PTPRD: variants seen among roughly 807,000 people sequenced by gnomAD.
PTPRD encodes receptor-type tyrosine-protein phosphatase delta.
A neutral mutation model predicts 214.5 loss-of-function variants in PTPRD; 34 were observed. That is an observed-to-expected ratio of 0.16 (90% CI 0.12 to 0.21). The LOEUF is 0.21. PTPRD is among the 10% of genes least tolerant of loss of function. The probability of loss-of-function intolerance (pLI) is 1.00; values close to 1 mark genes in which losing one functional copy is unlikely to be tolerated. For missense variants in PTPRD, 2,545 were observed against 2,398.7 expected (o/e 1.06, Z -1.27); for synonymous variants, 1,128 against 845.7 (o/e 1.33, Z -5.79).
At chr9:9,521,011 G>T (rs1425425095) in intron 8 of PTPRD, among the ~76,000 whole-genome samples, 4 of 152,162 alleles carry the variant, frequency 2.6e-5, no homozygotes, top group Non-Finnish European at 5.9e-5. Context: ...TGAAATCACA[G>T]ATGATTTTTA....
chr9:8,444,841 C>T (rs775967993), intron 34 of PTPRD, among the ~76,000 whole-genome samples: 5 of 152,134 alleles, frequency 3.3e-5, no homozygotes, highest in Non-Finnish European at 7.4e-5. Context: ...ACTTTCCTTG[C>T]AAATGGGGCT....
At chr9:9,838,432 T>A (rs1801033147) in intron 5 of PTPRD, among the ~76,000 whole-genome samples, 1 of 152,074 alleles carries the variant, frequency 6.6e-6, no homozygotes, top group Admixed American at 6.6e-5. Flanking sequence ...CAGCACCTGT[T>A]GTTTCCTGAC....
chr9:9,932,301 C>A lies in PTPRD; in HGVS notation c.-368+6206G>T, dbSNP rs1283134778. 2.7e-5 allele frequency among the ~76,000 whole-genome samples: 4 copies of A among 145,838 alleles called. No individual in the cohort carries two copies. The East Asian group carries it at 8.1e-4, about 30-fold the overall frequency. ...TCTGAGCTACGGGAGGACATTCAAA[C>A]CAAAGGCAAAGAAGTTGAAAACTTT... On this transcript the variant is annotated intron_variant, in intron 5 of 45. Transcript: ENST00000381196.
At chr9:9,129,844 T>C (rs1407722495) in intron 10 of PTPRD, among the ~76,000 whole-genome samples, 2 of 152,198 alleles carry the variant, frequency 1.3e-5, no homozygotes, top group Non-Finnish European at 2.9e-5. Flanking sequence ...CATGACAGCA[T>C]AGTATTGAGG....
chr9:9,367,627 T>C (rs1279370675), intron 9 of PTPRD, among the ~76,000 whole-genome samples: 2 of 151,528 alleles, frequency 1.3e-5, no homozygotes, highest in African/African-American at 2.4e-5. Context: ...AAACAGTAGA[T>C]TGCCAGAAGT....
intron 6 of PTPRD, among the ~76,000 whole-genome samples, chr9:9,743,414 T>C (rs1215212364): frequency 6.6e-6 from 1 of 152,152 alleles, no homozygotes; most frequent in African/African-American, 2.4e-5. Flanking sequence ...TAGATCTAAT[T>C]ACCTAGCTCA....
chr9:9,296,937 TA>T (rs1295320052), intron 9 of PTPRD, among the ~76,000 whole-genome samples: 1 of 151,800 alleles, frequency 6.6e-6, no homozygotes. Context: ...CTAAAGCAAT[TA>T]GTGTTAAGAT....
intron 3 of PTPRD, among the ~76,000 whole-genome samples, chr9:10,095,734 GTTA>G (rs1460494884): frequency 6.6e-6 from 1 of 151,428 alleles, no homozygotes; most frequent in African/African-American, 2.4e-5. Flanking sequence ...CTTTACATGA[GTTA>G]TTATCAATGG....
intron 10 of PTPRD, among the ~76,000 whole-genome samples, chr9:9,023,835 G>T (rs187367718): frequency 6.6e-6 from 1 of 151,938 alleles, no homozygotes; most frequent in Non-Finnish European, 1.5e-5. Context: ...CAAAGGACAT[G>T]ATTATTTTAC....
intron 3 of PTPRD, among the ~76,000 whole-genome samples, chr9:10,301,296 C>A (rs1035008874): frequency 3.9e-5 from 6 of 152,112 alleles, no homozygotes; most frequent in Non-Finnish European, 7.4e-5. Context: ...GTAGATAAAT[C>A]CACAAAGATG....
intron 9 of PTPRD, among the ~76,000 whole-genome samples, chr9:9,275,598 T>C (rs1397086333): frequency 6.6e-6 from 1 of 151,238 alleles, no homozygotes; most frequent in African/African-American, 2.4e-5. Context: ...GTCTAGACCA[T>C]TGGCTTGAAC....
intron 43 of PTPRD, 54 bp downstream of exon 43, chr9:8,338,868 A>G: frequency 6.4e-7 from 1 of 1,555,896 alleles, no homozygotes; most frequent in East Asian, 2.3e-5. Flanking sequence ...AGAGAGAGGT[A>G]TCTTAGACTA....
chr9:8,543,200 C>A (rs997017337), intron 14 of PTPRD, among the ~76,000 whole-genome samples: 1 of 152,114 alleles, frequency 6.6e-6, no homozygotes, highest in African/African-American at 2.4e-5. Flanking sequence ...TTGAAAACAA[C>A]CCAGAGCTGC....
chr9:10,458,179 G>A (rs909674835), intron 2 of PTPRD, among the ~76,000 whole-genome samples: 1 of 151,884 alleles, frequency 6.6e-6, no homozygotes, highest in African/African-American at 2.4e-5. Context: ...AGAGCTGGAG[G>A]GCATAATTTC....
chr9:9,934,561 A>G (rs932494870), intron 5 of PTPRD, among the ~76,000 whole-genome samples: 1 of 151,404 alleles, frequency 6.6e-6, no homozygotes, highest in Non-Finnish European at 1.5e-5. Flanking sequence ...CAATAACAGG[A>G]TCTGAAATTA....
intron 11 of PTPRD, among the ~76,000 whole-genome samples, chr9:9,015,965 AATGATC>A (rs1375866353): frequency 2.0e-5 from 3 of 152,060 alleles, no homozygotes; most frequent in African/African-American, 4.8e-5. Flanking sequence ...CTCTCTGCTA[AATGATC>A]ATAGGAATGC....
chr9:9,405,163 G>C (rs2072772569), intron 8 of PTPRD, among the ~76,000 whole-genome samples: 1 of 151,880 alleles, frequency 6.6e-6, no homozygotes, highest in Non-Finnish European at 1.5e-5. Context: ...TCTTCAGTAG[G>C]AATAAATAAA....
intron 10 of PTPRD, among the ~76,000 whole-genome samples, chr9:9,076,715 G>C (rs759653889): frequency 3.0e-4 from 45 of 151,456 alleles, no homozygotes; most frequent in Admixed American, 6.6e-4. Context: ...ACATTAGGTT[G>C]CCTCAAAATC....
chr9:8,894,720 G>C (rs2098593094), intron 11 of PTPRD, among the ~76,000 whole-genome samples: 1 of 152,172 alleles, frequency 6.6e-6, no homozygotes, highest in Non-Finnish European at 1.5e-5. Context: ...TTTGAAAAAG[G>C]AAAGTAGTTT....
Sources: gnomAD v4.1 joint callset for allele counts (sites outside exome capture counted in the v4.1 genomes callset) on GRCh38, gnomAD v4.1.1 for gene constraint, MANE v1.5 for transcripts, NCBI Gene and HGNC (gene_info 2026-07-23, HGNC 2026-07-21) for gene names.